CDH8: variants seen among roughly 807,000 people sequenced by gnomAD.
CDH8 encodes the protein cadherin 8.
In CDH8, 17 loss-of-function variants were observed where a neutral mutation model predicts 68.1. The observed-to-expected ratio is 0.25, with a 90% CI of 0.17 to 0.37. CDH8 has a LOEUF of 0.37. CDH8 is among the 10% of genes least tolerant of loss of function. The pLI is 1.00. For missense variants in CDH8, 763 were observed against 999.3 expected, an observed-to-expected ratio of 0.76 and a Z score of 3.19; for synonymous variants, 372 against 365.1, an observed-to-expected ratio of 1.02 and a Z score of -0.21.
chr16:61,746,055 G>A (rs913314082), intron 8 of CDH8, among the ~76,000 whole-genome samples: 2 of 151,778 alleles, frequency 1.3e-5, no homozygotes, highest in Non-Finnish European at 2.9e-5. Context: ...TTACTTCTAG[G>A]GTCCATTATT....
intron 2 of CDH8, among the ~76,000 whole-genome samples, chr16:61,926,185 G>A (rs1320026583): frequency 6.6e-6 from 1 of 151,744 alleles, no homozygotes; most frequent in Non-Finnish European, 1.5e-5. Flanking sequence ...GTGTGTGTGT[G>A]TGTGTGTATA....
rs1357863342 is a variant in CDH8, at chr16:61,647,687, T to A, written c.*5921A>T. 4 of 637,264 alleles carry A rather than the reference T, an allele frequency of 6.3e-6. No individual in the cohort carries two copies. The highest frequency in any genetic ancestry group is 1.1e-5 in the Non-Finnish European group (4 of 357,152). The allele number at this position is 637,264 out of a possible 1,614,324, so 39.5% of individuals were successfully genotyped here. A position where few individuals can be genotyped will look rare whatever the true frequency, so the allele number is the denominator to read the frequency against. ...TAGAGCATAATTGTTAAAATTTTCC[T>A]CTTATTTTTGAGGAATCATAGGATG... On this transcript the variant is annotated 3_prime_UTR_variant, in exon 12 of 12. Transcript: ENST00000577390.
Position 61,857,266 on chromosome 16 carries a change from A to T in CDH8, c.548-28T>A, listed in dbSNP as rs1963064891. 4 of 1,593,110 alleles carry T rather than the reference A, an allele frequency of 2.5e-6. No homozygotes were observed. In the East Asian group the frequency reaches 9.1e-5, roughly 36 times the overall value. ...AATAAAATAGAGAAAGAAAAAAGAT[A>T]ATAATTAACACATTGTCCTTTGCCA... On this transcript the variant is annotated intron_variant, in intron 3 of 11. Coordinates refer to ENST00000577390, the MANE Select transcript of CDH8 (RefSeq NM_001796.5).
rs1962300735 is a variant in CDH8 at position 61,825,140 on chromosome 16, G to A, written c.707C>T (p.Ala236Val). Residue 236 changes from alanine (A) to valine (V), a missense_variant, in exon 5 of 12, where the codon GCC becomes GTC. Ala to Val is a moderately conservative substitution (Grantham distance 64, BLOSUM62 0). Coordinates refer to ENST00000577390, the MANE Select transcript of CDH8 (RefSeq NM_001796.5). ...GATAACAACCAGGTACTCCTCCTTG[G>A]CTTCTCTGTCCATGTTGGGAAGGGC... ...KTALPNMDRE[A>V]KEEYLVVIQA... 6.2e-7 allele frequency: 1 copy of A among 1,611,366 alleles called. No individual in the cohort carries two copies. Among genetic ancestry groups the A allele is most frequent in the Non-Finnish European group, 8.5e-7 (1 of 1,178,484 alleles).
At chr16:61,768,364 CT>C (rs1960672651) in intron 8 of CDH8, among the ~76,000 whole-genome samples, 4 of 104,512 alleles carry the variant, frequency 3.8e-5, no homozygotes, top group Non-Finnish European at 5.9e-5. Flanking sequence ...CTCTCTCTCT[CT>C]CTCCCTTTCT....
intron 2 of CDH8, among the ~76,000 whole-genome samples, chr16:61,951,245 C>T (rs1380876109): frequency 6.6e-6 from 1 of 152,078 alleles, no homozygotes; most frequent in Admixed American, 6.6e-5. Context: ...GGCATGGTGG[C>T]TCATGCCTGT....
At chr16:61,707,874 G>T (rs1964562240) in intron 10 of CDH8, among the ~76,000 whole-genome samples, 1 of 152,064 alleles carries the variant, frequency 6.6e-6, no homozygotes, top group African/African-American at 2.4e-5. Flanking sequence ...AAAATCCCAA[G>T]ACTGATTTTT....
intron 3 of CDH8, among the ~76,000 whole-genome samples, chr16:61,882,645 C>T (rs561550843): frequency 6.6e-5 from 10 of 152,152 alleles, no homozygotes; most frequent in Non-Finnish European, 1.2e-4. Context: ...ACCGCATATT[C>T]TCACTTATAA....
At chr16:61,675,366 G>A (rs1002389156) in intron 10 of CDH8, among the ~76,000 whole-genome samples, 14 of 146,728 alleles carry the variant, frequency 9.5e-5, no homozygotes, top group East Asian at 4.1e-4. Flanking sequence ...ACCAAACACC[G>A]TATATTCTCA....
At chr16:61,758,467 T>C (rs1960378417) in intron 8 of CDH8, among the ~76,000 whole-genome samples, 1 of 152,118 alleles carries the variant, frequency 6.6e-6, no homozygotes, top group South Asian at 2.1e-4. Flanking sequence ...AGTTTTGCTC[T>C]TGTTGTCCAG....
intron 9 of CDH8, among the ~76,000 whole-genome samples, chr16:61,717,817 TG>T (rs1188438844): frequency 2.0e-5 from 3 of 151,568 alleles, no homozygotes; most frequent in Admixed American, 6.6e-5. Flanking sequence ...AATGAAGTAA[TG>T]GATGAATAAT....
At chr16:61,670,125 T>C (rs1963761547) in intron 10 of CDH8, among the ~76,000 whole-genome samples, 1 of 152,044 alleles carries the variant, frequency 6.6e-6, no homozygotes, top group African/African-American at 2.4e-5. Context: ...TCTTTGTGAT[T>C]CTATGATTTT....
chr16:61,908,456 A>G (rs1017076092), intron 2 of CDH8, among the ~76,000 whole-genome samples: 1 of 152,354 alleles, frequency 6.6e-6, no homozygotes, highest in East Asian at 1.9e-4. Flanking sequence ...ACTTCTCTGC[A>G]TGTTTCTGAA....
chr16:61,782,308 G>C (rs1275546695), intron 8 of CDH8, among the ~76,000 whole-genome samples: 6 of 152,156 alleles, frequency 3.9e-5, no homozygotes, highest in East Asian at 3.9e-4. Context: ...TTCCCTTTCC[G>C]AGTCAAAGAA....
intron 2 of CDH8, among the ~76,000 whole-genome samples, chr16:61,974,795 C>T (rs2150579077): frequency 6.6e-6 from 1 of 152,264 alleles, no homozygotes; most frequent in Admixed American, 6.5e-5. Context: ...GGAGTGAGAG[C>T]TCTCAATCCC....
At chr16:61,931,441 A>G (rs986452113) in intron 2 of CDH8, among the ~76,000 whole-genome samples, 2 of 152,140 alleles carry the variant, frequency 1.3e-5, no homozygotes, top group African/African-American at 2.4e-5. Context: ...TTCCCAAAGC[A>G]CTGTGATTAC....
chr16:61,712,573 T>C (rs1261564381), intron 10 of CDH8, among the ~76,000 whole-genome samples: 1 of 151,662 alleles, frequency 6.6e-6, no homozygotes, highest in Non-Finnish European at 1.5e-5. Context: ...GAAATATTCA[T>C]ATGATTTCCA....
At chr16:61,919,475 C>T (rs369723855) in intron 2 of CDH8, among the ~76,000 whole-genome samples, 1 of 147,288 alleles carries the variant, frequency 6.8e-6, no homozygotes, top group Non-Finnish European at 1.5e-5. Flanking sequence ...CTTAAAGGAG[C>T]TGATGGAGCT....
At chr16:61,751,510 G>A (rs539773084) in intron 8 of CDH8, among the ~76,000 whole-genome samples, 8 of 150,794 alleles carry the variant, frequency 5.3e-5, no homozygotes, top group African/African-American at 1.5e-4. Context: ...ATAGAAGACC[G>A]TCCCGTTACA....
Sources: gnomAD v4.1 joint callset for allele counts (sites outside exome capture counted in the v4.1 genomes callset) on GRCh38, gnomAD v4.1.1 for gene constraint, MANE v1.5 for transcripts, NCBI Gene and HGNC (gene_info 2026-07-23, HGNC 2026-07-21) for gene names.